The following ANO2 variants were observed in gnomAD, a reference collection of about 807,000 sequenced individuals.
The protein encoded by ANO2 is anoctamin-2.
Under a neutral mutation model 124.2 loss-of-function variants are expected in ANO2, and 101 were observed. The observed-to-expected ratio is 0.81, with a 90% CI of 0.69 to 0.96. ANO2 has a LOEUF of 0.96. Ranked by LOEUF, ANO2 falls within the 40% of genes least tolerant of loss-of-function variation. The probability of loss-of-function intolerance (pLI) is 0.00; values close to 1 mark genes in which losing one functional copy is unlikely to be tolerated. For missense variants in ANO2, 1,293 were observed against 1,274.5 expected (o/e 1.01, Z -0.22); for synonymous variants, 486 against 482.5 (o/e 1.01, Z -0.09).
intron 1 of ANO2, among the ~76,000 whole-genome samples, chr12:5,939,928 A>G (rs977754701): frequency 1.3e-5 from 2 of 152,260 alleles, no homozygotes; most frequent in Non-Finnish European, 2.9e-5. Context: ...AGCTTGGTGT[A>G]GCATGTTCAC....
At chr12:5,606,440 A>T (rs1944226911) in intron 19 of ANO2, among the ~76,000 whole-genome samples, 1 of 152,240 alleles carries the variant, frequency 6.6e-6, no homozygotes, top group Non-Finnish European at 1.5e-5. Context: ...TCTTAGTCAG[A>T]AAGCCTTGGA....
At chr12:5,598,881 G>A (rs747322189) in intron 20 of ANO2, among the ~76,000 whole-genome samples, 1 of 152,146 alleles carries the variant, frequency 6.6e-6, no homozygotes, top group Non-Finnish European at 1.5e-5. Flanking sequence ...TGTACTACAT[G>A]TGCTCCTGCC....
intron 16 of ANO2, among the ~76,000 whole-genome samples, chr12:5,632,696 T>C (rs1336625433): frequency 1.3e-5 from 2 of 152,198 alleles, no homozygotes; most frequent in African/African-American, 4.8e-5. Flanking sequence ...GCCTTGCATA[T>C]GGGAAGTACT....
intron 3 of ANO2, among the ~76,000 whole-genome samples, chr12:5,895,642 C>A (rs1939730585): frequency 6.6e-6 from 1 of 152,020 alleles, no homozygotes; most frequent in Non-Finnish European, 1.5e-5. Context: ...CAATAGATGT[C>A]AGCATGGATG....
chr12:5,670,198 T>C (rs1947925577), intron 14 of ANO2, among the ~76,000 whole-genome samples: 1 of 152,222 alleles, frequency 6.6e-6, no homozygotes, highest in Non-Finnish European at 1.5e-5. Flanking sequence ...ATCTCATCCA[T>C]AAGGCAGTGA....
intron 10 of ANO2, among the ~76,000 whole-genome samples, chr12:5,753,530 T>C (rs1591572892): frequency 6.6e-6 from 1 of 152,204 alleles, no homozygotes. Flanking sequence ...TTATTTTCCT[T>C]TCACACCTTC....
chr12:5,647,622 A>G, intron 15 of ANO2, 105 bp downstream of exon 15: 1 of 967,428 alleles, frequency 1.0e-6, no homozygotes, highest in South Asian at 1.4e-5. Flanking sequence ...CTTCCCCTTT[A>G]CCAGCCTCTC....
intron 10 of ANO2, among the ~76,000 whole-genome samples, chr12:5,759,859 G>A (rs904632871): frequency 6.6e-6 from 1 of 151,658 alleles, no homozygotes; most frequent in Non-Finnish European, 1.5e-5. Flanking sequence ...TCTATTTTAG[G>A]GAGTAAAAGC....
intron 14 of ANO2, among the ~76,000 whole-genome samples, chr12:5,680,933 C>T (rs536719561): frequency 1.3e-5 from 2 of 152,168 alleles, no homozygotes; most frequent in African/African-American, 4.8e-5. Flanking sequence ...CCAGCCTCTG[C>T]ATGACAGACC....
intron 3 of ANO2, among the ~76,000 whole-genome samples, chr12:5,919,588 C>T (rs1014006081): frequency 1.3e-5 from 2 of 152,214 alleles, no homozygotes; most frequent in Non-Finnish European, 1.5e-5. Flanking sequence ...AGCACAAAGA[C>T]CTGAGGTCAA....
intron 14 of ANO2, among the ~76,000 whole-genome samples, chr12:5,716,385 C>A (rs1950027252): frequency 6.6e-6 from 1 of 152,168 alleles, no homozygotes; most frequent in African/African-American, 2.4e-5. Flanking sequence ...AGTCCAGTCT[C>A]TCTGGTTGTC....
intron 3 of ANO2, among the ~76,000 whole-genome samples, chr12:5,901,840 T>G (rs1940234157): frequency 6.6e-6 from 1 of 152,176 alleles, no homozygotes. Context: ...GTTGCTCCAT[T>G]GCCTAGGACA....
chr12:5,883,241 C>T lies in ANO2; in HGVS notation c.535-29100G>A, dbSNP rs1938629622. 2.0e-5 allele frequency among the ~76,000 whole-genome samples: 3 copies of T among 152,176 alleles called. No individual in the cohort carries two copies. The South Asian group carries it at 6.2e-4, about 32-fold the overall frequency. ...GGCCCAAGTGCAGAGCATACACCCC[C>T]TCCATTAGAACTCAGGTTCACCTGA... On this transcript the variant is annotated intron_variant, in intron 3 of 24. Coordinates refer to ENST00000682330, the MANE Select transcript of ANO2 (RefSeq NM_001364791.2).
intron 23 of ANO2, among the ~76,000 whole-genome samples, chr12:5,574,582 T>C (rs1433802808): frequency 6.6e-6 from 1 of 152,218 alleles, no homozygotes; most frequent in African/African-American, 2.4e-5. Context: ...CACTCTCCTA[T>C]GTCTACTGTC....
At chr12:5,828,183 T>A (rs1954043209) in intron 6 of ANO2, among the ~76,000 whole-genome samples, 1 of 151,594 alleles carries the variant, frequency 6.6e-6, no homozygotes, top group South Asian at 2.1e-4. Context: ...GTCTGTGGAG[T>A]AGGGCACAGT....
intron 10 of ANO2, among the ~76,000 whole-genome samples, chr12:5,776,612 C>T (rs1463793803): frequency 1.3e-5 from 2 of 152,218 alleles, no homozygotes; most frequent in African/African-American, 2.4e-5. Flanking sequence ...CATTCAGGGA[C>T]GGTACCAGTT....
intron 14 of ANO2, among the ~76,000 whole-genome samples, chr12:5,672,442 T>C (rs369885803): frequency 6.6e-6 from 1 of 152,332 alleles, no homozygotes; most frequent in East Asian, 1.9e-4. Flanking sequence ...TTCTGAACAC[T>C]CTTGGTTTGA....
chr12:5,608,434 C>A (rs1484971768), intron 19 of ANO2, among the ~76,000 whole-genome samples: 1 of 151,882 alleles, frequency 6.6e-6, no homozygotes, highest in Non-Finnish European at 1.5e-5. Context: ...TGTACACATC[C>A]TCTGGCAGAG....
intron 20 of ANO2, among the ~76,000 whole-genome samples, chr12:5,583,646 C>T (rs4930819): frequency 0.24 from 27,060 of 114,186 alleles, 4,110 homozygotes; most frequent in African/African-American, 0.46. Flanking sequence ...GAGCGGGACT[C>T]CGTCTCAAAA....
Sources: gnomAD v4.1 joint callset for allele counts (sites outside exome capture counted in the v4.1 genomes callset) on GRCh38, gnomAD v4.1.1 for gene constraint, MANE v1.5 for transcripts, NCBI Gene and HGNC (gene_info 2026-07-23, HGNC 2026-07-21) for gene names.